NCAM1: variants seen among roughly 807,000 people sequenced by gnomAD.
The protein encoded by NCAM1 is antigen recognized by monoclonal antibody 5.1H11.
Under a neutral mutation model 109.8 loss-of-function variants are expected in NCAM1, and 14 were observed. That is an observed-to-expected ratio of 0.13 (90% CI 0.08 to 0.20). NCAM1 has a LOEUF of 0.20. Among genes scored for constraint, NCAM1 ranks in the 10% least tolerant of loss-of-function variants. NCAM1 has a pLI of 1.00. For missense variants in NCAM1, 774 were observed against 1,109.9 expected (o/e 0.70, Z 4.30); for synonymous variants, 418 against 442.9 (o/e 0.94, Z 0.70).
chr11:113,231,769 C>T lies in NCAM1; in HGVS notation c.1214C>T (p.Ser405Phe). 1.2e-6 allele frequency: 2 copies of T among 1,613,964 alleles called. No homozygotes were observed. Among genetic ancestry groups the T allele is most frequent in the Non-Finnish European group, 1.7e-6 (2 of 1,179,900 alleles). ...GCCAGCAACACCATCGGCCAGGACT[C>T]CCAGTCCATGTACCTTGAAGTGCAA... ...CTASNTIGQDSQSMYLEVQYA... is the reference protein window; with the variant it reads ...CTASNTIGQDFQSMYLEVQYA... Residue 405 changes from serine (S) to phenylalanine (F), a missense_variant, in exon 10 of 20, where the codon TCC becomes TTC. Ser to Phe is a radical substitution (Grantham distance 155). Transcript: ENST00000316851.
In NCAM1 at chr11:113,050,703, C is replaced by T. The variant is rs118130368; in HGVS notation, c.52+89039C>T. Among the ~76,000 whole-genome samples, 916 of 152,266 alleles carry T rather than the reference C, an allele frequency of 6.0e-3. 4 individuals are homozygous for T. Among genetic ancestry groups the T allele is most frequent in the Middle Eastern group, 0.014 (4 of 294 alleles). On this transcript the variant is annotated intron_variant, in intron 1 of 19. Coordinates refer to ENST00000316851, the MANE Select transcript of NCAM1 (RefSeq NM_181351.5). ...TAGTTCGATATTCACTTAAATCACC[C>T]AGATGCTGTTTTGCCTCCTAGTGCA...
intron 1 of NCAM1, among the ~76,000 whole-genome samples, chr11:112,965,290 G>A (rs973811407): frequency 6.6e-5 from 10 of 152,074 alleles, no homozygotes; most frequent in African/African-American, 9.7e-5. Context: ...TGATGTGGGT[G>A]TGCTATTTGT....
chr11:113,203,380 A>G (rs1944132785), intron 2 of NCAM1, among the ~76,000 whole-genome samples: 1 of 152,246 alleles, frequency 6.6e-6, no homozygotes, highest in African/African-American at 2.4e-5. Flanking sequence ...TTTATTGAAA[A>G]CATGATGGGC....
chr11:113,071,424 T>C (rs1042486546), intron 1 of NCAM1, among the ~76,000 whole-genome samples: 31 of 90,462 alleles, frequency 3.4e-4, no homozygotes, highest in Admixed American at 7.9e-4. Context: ...TGGTTGGATT[T>C]TTTTTTTTTT....
intron 1 of NCAM1, among the ~76,000 whole-genome samples, chr11:113,182,948 G>A (rs1216780641): frequency 1.3e-5 from 2 of 152,216 alleles, no homozygotes; most frequent in African/African-American, 4.8e-5. Context: ...CAGGACTGGG[G>A]TGAGCCAGCC....
rs554416377 is a variant in NCAM1 at position 113,207,504 on chromosome 11, A to T, written c.746+126A>T. 3.9e-3 allele frequency: 2,914 copies of T among 746,672 alleles called. 54 individuals carry two copies. The highest frequency in any genetic ancestry group is 0.026 in the South Asian group (1,387 of 54,386). The allele number at this position is 746,672 out of a possible 1,614,324, so 46.3% of individuals were successfully genotyped here. On this transcript the variant is annotated intron_variant, in intron 6 of 19. Transcript: ENST00000316851. ...TTAGGAATATTAACCCCAGGAGAAGAATGGACTCTTTTCTATAAGATTCTC... is the reference window on the plus strand; with the variant it reads ...TTAGGAATATTAACCCCAGGAGAAGTATGGACTCTTTTCTATAAGATTCTC...
At chr11:113,080,242 G>A (rs570450541) in intron 1 of NCAM1, among the ~76,000 whole-genome samples, 8 of 152,216 alleles carry the variant, frequency 5.3e-5, no homozygotes, top group Admixed American at 1.3e-4. Context: ...TCAAGTGCCC[G>A]CTACAGAAAT....
rs952758831 is a variant in NCAM1 at position 113,262,443 on chromosome 11, G to T, written c.2131+2120G>T. On this transcript the variant is annotated intron_variant, in intron 17 of 19. Coordinates refer to ENST00000316851, the MANE Select transcript of NCAM1 (RefSeq NM_181351.5). ...GTAACACTCTCCTAATCAAACTCTT[G>T]TATTTTAGCGTGGAGGCTTCTGTTC... is the stretch of plus-strand genomic sequence containing the variant. 2.0e-5 allele frequency among the ~76,000 whole-genome samples: 3 copies of T among 152,294 alleles called. No homozygotes were observed. In the East Asian group the frequency reaches 5.8e-4, roughly 29 times the overall value.
rs1245293280 is a variant in NCAM1, at chr11:113,233,657, T to G, written c.1693+340T>G. Among the ~76,000 whole-genome samples, 8 of 152,244 alleles carry G rather than the reference T, an allele frequency of 5.3e-5. No individual in the cohort carries two copies. Among genetic ancestry groups the G allele is most frequent in the African/African-American group, 1.9e-4 (8 of 41,462 alleles). On this transcript the variant is annotated intron_variant, in intron 13 of 19. Coordinates refer to ENST00000316851, the MANE Select transcript of NCAM1 (RefSeq NM_181351.5). The surrounding 1 kb of genome is among the most constrained non-coding windows in gnomAD (Gnocchi z 4.5). ...TCTAATCCATCCTACTCTGCACGTT[T>G]GAGTTACCTGTGCTGCAGGTTCTCT...
At chr11:113,251,437 G>A (rs1945673580) in intron 15 of NCAM1, among the ~76,000 whole-genome samples, 1 of 152,086 alleles carries the variant, frequency 6.6e-6, no homozygotes, top group African/African-American at 2.4e-5. Flanking sequence ...GGTTTCTAAG[G>A]GAGAATTTCA....
chr11:113,259,700 CTTTTTTTTTTTT>C (rs61638375), intron 16 of NCAM1, among the ~76,000 whole-genome samples: 3 of 113,472 alleles, frequency 2.6e-5, no homozygotes, highest in Non-Finnish European at 3.6e-5. Context: ...CCCATCATTG[CTTTTTTTTTTTT>C]TTTTTTTTGG....
intron 5 of NCAM1, 40 bp from the exon 6 acceptor site, chr11:113,207,221 A>G (rs782216041): frequency 7.0e-6 from 11 of 1,573,882 alleles, no homozygotes; most frequent in Non-Finnish European, 9.6e-6. Context: ...GGTTCTTCCA[A>G]ATTTTCACAA....
chr11:113,137,158 G>C (rs1403867743), intron 1 of NCAM1, among the ~76,000 whole-genome samples: 2 of 152,212 alleles, frequency 1.3e-5, no homozygotes, highest in Non-Finnish European at 2.9e-5. Context: ...CCTTTAAAAG[G>C]AGGTGGGAGC....
At chr11:113,106,423 G>A (rs895707679) in intron 1 of NCAM1, among the ~76,000 whole-genome samples, 16 of 152,156 alleles carry the variant, frequency 1.1e-4, no homozygotes, top group African/African-American at 3.6e-4. Context: ...GGGCAGTTTC[G>A]TGAGACATCC....
intron 1 of NCAM1, among the ~76,000 whole-genome samples, chr11:113,075,681 C>T (rs1591304390): frequency 1.3e-5 from 2 of 152,150 alleles, no homozygotes; most frequent in African/African-American, 4.8e-5. Flanking sequence ...TTGAAGGAAA[C>T]ATGATGGGTG....
At chr11:113,085,897 T>C (rs573258509) in intron 1 of NCAM1, among the ~76,000 whole-genome samples, 1 of 152,334 alleles carries the variant, frequency 6.6e-6, no homozygotes, top group Non-Finnish European at 1.5e-5. Flanking sequence ...AGATAATAGC[T>C]CATCTGGGGT....
chr11:113,135,481 G>T (rs183810006), intron 1 of NCAM1, among the ~76,000 whole-genome samples: 3 of 148,392 alleles, frequency 2.0e-5, no homozygotes, highest in African/African-American at 5.3e-5. Context: ...ATAAAGATGC[G>T]CCCACTGTTC....
intron 1 of NCAM1, among the ~76,000 whole-genome samples, chr11:113,099,358 G>T (rs1939755886): frequency 6.6e-6 from 1 of 152,190 alleles, no homozygotes; most frequent in East Asian, 1.9e-4. Flanking sequence ...TTCATTGTCT[G>T]CTGGGAAGTA....
chr11:113,203,468 G>A (rs1944136156), intron 2 of NCAM1, among the ~76,000 whole-genome samples: 1 of 152,256 alleles, frequency 6.6e-6, no homozygotes, highest in Non-Finnish European at 1.5e-5. Context: ...AGGGCGCCAC[G>A]CGAAGAGGCA....
Sources: allele counts gnomAD v4.1 joint callset (sites outside exome capture counted in the v4.1 genomes callset), GRCh38; gene constraint gnomAD v4.1.1; non-coding constraint Gnocchi (gnomAD v3.1); transcripts MANE v1.5; gene names NCBI Gene and HGNC (gene_info 2026-07-23, HGNC 2026-07-21).